The following MYSM1 variants were observed in gnomAD, a reference collection of about 807,000 sequenced individuals.
MYSM1 encodes the protein deubiquitinase MYSM1.
MYSM1 carries 51 observed loss-of-function variants against 116.0 expected under a neutral mutation model. That is an observed-to-expected ratio of 0.44 (90% CI 0.35 to 0.56). The LOEUF (loss-of-function observed/expected upper bound fraction) is 0.56. Ranked by LOEUF, MYSM1 falls within the 20% of genes least tolerant of loss-of-function variation. The pLI, the probability that MYSM1 is intolerant of heterozygous loss-of-function variation, is 0.00. For synonymous variants in MYSM1, 313 were observed against 315.2 expected, an observed-to-expected ratio of 0.99 and a Z score of 0.07; for missense variants, 900 against 974.9, an observed-to-expected ratio of 0.92 and a Z score of 1.02.
At position 58,689,057 on chromosome 1, in the gene MYSM1, T is replaced by G. The variant is rs201929092; in HGVS notation, c.380A>C (p.Glu127Ala). The G allele has an allele frequency of 3.1e-6, 5 of 1,611,632 alleles. No individual in the cohort carries two copies. In the African/African-American group the frequency reaches 6.7e-5, roughly 22 times the overall value. ...YSVKWTIEEK[E>A]LFEQGLAKFG... ...ATTTACCAGCCCTTGTTCAAACAGC[T>G]CTTTTTCTTCTATCGTCCACTTTAC... Residue 127 changes from glutamate (E) to alanine (A), a missense_variant, in exon 6 of 20, where the codon GAG (glutamate) becomes GCG (alanine). This residue lies in a region of MYSM1 where 622 missense variants were observed against 623.7 expected (regional missense o/e 1.00). Coordinates refer to ENST00000472487, the MANE Select transcript of MYSM1 (RefSeq NM_001085487.3).
rs1324652219 is a variant in MYSM1, at chr1:58,689,055, GCT to G, written c.380_381del (p.Glu127AlafsTer3). 1 of 1,611,058 alleles carries G rather than the reference GCT, an allele frequency of 6.2e-7. No homozygotes were observed. Among genetic ancestry groups the G allele is most frequent in the African/African-American group, 1.3e-5 (1 of 74,712 alleles). On this transcript the variant is annotated frameshift_variant, in exon 6 of 20. Coordinates refer to ENST00000472487, the MANE Select transcript of MYSM1 (RefSeq NM_001085487.3). LOFTEE classifies it high-confidence loss of function. ...YSVKWTIEEK[E>X]LFEQGLAKFG... ...CTATTTACCAGCCCTTGTTCAAACA[GCT>G]CTTTTTCTTCTATCGTCCACTTTAC...
chr1:58,673,451 A>G, intron 11 of MYSM1, 122 bp downstream of exon 11: 3 of 801,244 alleles, frequency 3.7e-6, no homozygotes, highest in Non-Finnish European at 6.0e-6. Context: ...ACAAATTAAC[A>G]TGGGAATGAA....
intron 1 of MYSM1, 139 bp downstream of exon 1, chr1:58,699,846 C>T: frequency 5.6e-6 from 8 of 1,440,940 alleles, no homozygotes; most frequent in Non-Finnish European, 7.3e-6. Context: ...CGAGGTGCCT[C>T]CCAGGCCAAC....
chr1:58,684,919 TAC>T (rs1381901408), intron 7 of MYSM1, among the ~76,000 whole-genome samples: 1 of 152,196 alleles, frequency 6.6e-6, no homozygotes, highest in African/African-American at 2.4e-5. Flanking sequence ...TTTGAGCAAT[TAC>T]TATTTTGTCC....
chr1:58,665,563 G>A lies in MYSM1; in HGVS notation c.2100C>T (p.Pro700=). ...MIVSPYNRNN[P]LPYSQITCLV... ...GGCAGGTAATCTGAGAATATGGTAA[G>A]GGATTATTTCGATTATAGGGACTAA... The change falls in exon 17 of 20, where the codon CCC becomes CCT. Residue 700 remains proline, a synonymous_variant. Transcript: ENST00000472487. 1.3e-6 allele frequency: 2 copies of A among 1,599,382 alleles called. No homozygotes were observed. The highest frequency in any genetic ancestry group is 1.7e-6 in the Non-Finnish European group (2 of 1,166,948).
chr1:58,655,281 T>TA lies in MYSM1; in HGVS notation c.*4715dup, dbSNP rs1644304935. On this transcript the variant is annotated 3_prime_UTR_variant, in exon 20 of 20. Coordinates refer to ENST00000472487, the MANE Select transcript of MYSM1 (RefSeq NM_001085487.3). Reference sequence around the variant, plus strand: ...ATGAAAACATATTTAACTGACTTCTTAAGAGACGAGGAAATGTCAAAAATA... The same window carrying TA: ...ATGAAAACATATTTAACTGACTTCTTAAAGAGACGAGGAAATGTCAAAAATA... The TA allele has an allele frequency of 4.6e-5, 7 of 151,570 alleles. 1 individual carries two copies. Among genetic ancestry groups the TA allele is most frequent in the African/African-American group, 1.7e-4 (7 of 41,280 alleles). 9.4% of individuals were successfully genotyped at this position (151,570 alleles called of 1,614,324 possible).
chr1:58,665,564 G>C lies in MYSM1; in HGVS notation c.2099C>G (p.Pro700Arg), dbSNP rs1387018800. The C allele has an allele frequency of 1.2e-5, 19 of 1,595,502 alleles. No homozygotes were observed. Among genetic ancestry groups the C allele is most frequent in the Non-Finnish European group, 1.6e-5 (19 of 1,163,826 alleles). ...MIVSPYNRNN[P>R]LPYSQITCLV... Reference sequence around the variant, plus strand: ...GCAGGTAATCTGAGAATATGGTAAGGGATTATTTCGATTATAGGGACTAAC... The same window carrying C: ...GCAGGTAATCTGAGAATATGGTAAGCGATTATTTCGATTATAGGGACTAAC... The change falls in exon 17 of 20, where the codon CCC becomes CGC. Residue 700 changes from proline to arginine, a missense_variant. By Grantham distance (103) the Pro-to-Arg change is moderately radical (BLOSUM62 -2). Coordinates refer to ENST00000472487, the MANE Select transcript of MYSM1 (RefSeq NM_001085487.3).
At chr1:58,680,771 A>G (rs1386366281) in intron 8 of MYSM1, among the ~76,000 whole-genome samples, 1 of 152,184 alleles carries the variant, frequency 6.6e-6, no homozygotes, top group African/African-American at 2.4e-5. Flanking sequence ...AGATGGCCCT[A>G]TACAATTTGA....
At chr1:58,678,736 T>C (rs1354374219) in intron 8 of MYSM1, among the ~76,000 whole-genome samples, 1 of 152,178 alleles carries the variant, frequency 6.6e-6, no homozygotes, top group African/African-American at 2.4e-5. Flanking sequence ...ATATGTGAGA[T>C]ATTTTAGATA....
rs1409261681 is a variant in MYSM1 at position 58,657,740 on chromosome 1, A to C, written c.*2257T>G. On this transcript the variant is annotated 3_prime_UTR_variant, in exon 20 of 20. Transcript: ENST00000472487. ...ATACTTTACAAGACAAATGTACTCT[A>C]TAGTCAGAAAATACTAAGTATTATT... 6.6e-6 allele frequency: 1 copy of C among 152,176 alleles called. No homozygotes were observed. The highest frequency in any genetic ancestry group is 2.4e-5 in the African/African-American group (1 of 41,444). The allele number at this position is 152,176 out of a possible 1,614,324, so 9.4% of individuals were successfully genotyped here.
In MYSM1 at chr1:58,681,861, G is replaced by C. The variant is rs753619199; in HGVS notation, c.1183C>G (p.Pro395Ala). 6 of 1,613,112 alleles carry C rather than the reference G, an allele frequency of 3.7e-6. No individual in the cohort carries two copies. The Admixed American group carries it at 1.0e-4, about 27-fold the overall frequency. ...IIQEEEKQAIPEFFEGRQAKT... is the reference protein window; with the variant it reads ...IIQEEEKQAIAEFFEGRQAKT... ...GCTTGGCGCCCCTCAAAAAACTCAG[G>C]AATTGCTTGTTTTTCTTCTTCTTGA... is the stretch of plus-strand genomic sequence containing the variant. Residue 395 changes from proline (P) to alanine (A), a missense_variant, in exon 8 of 20, where the codon CCT becomes GCT. Physicochemically the swap from Pro to Ala is conservative, Grantham distance 27. Around this residue, in one of 3 missense-constraint regions of MYSM1, gnomAD observed 622 missense variants for 623.7 expected, o/e 1.00. Transcript: ENST00000472487.
rs968622293 is a variant in MYSM1 at position 58,657,616 on chromosome 1, T to C, written c.*2381A>G. 3.2e-4 allele frequency: 49 copies of C among 152,170 alleles called. No individual in the cohort carries two copies. Among genetic ancestry groups the C allele is most frequent in the Admixed American group, 3.1e-3 (48 of 15,246 alleles). 9.4% of individuals were successfully genotyped at this position (152,170 alleles called of 1,614,324 possible). On this transcript the variant is annotated 3_prime_UTR_variant, in exon 20 of 20. Coordinates refer to ENST00000472487, the MANE Select transcript of MYSM1 (RefSeq NM_001085487.3). ...AACCAAGTTTAACATACTAAAATTA[T>C]ACTGTCAAAAAAATGGGGAAGGATT...
rs1241194358 is a variant in MYSM1 at position 58,667,183 on chromosome 1, TG to T, written c.1885del (p.Gln629SerfsTer62). On this transcript the variant is annotated frameshift_variant, in exon 16 of 20. Transcript: ENST00000472487. LOFTEE classifies it high-confidence loss of function. ...TTGTGATACAGGATCCATCTCACAC[TG>T]TAGTCCTGTACTCAGACTGTTACAT... ...EPCNSLSTGLQCEMDPVSQTQ... is the reference protein window; with the variant it reads ...EPCNSLSTGLXCEMDPVSQTQ... 6.2e-7 allele frequency: 1 copy of T among 1,610,140 alleles called. No homozygotes were observed. The highest frequency in any genetic ancestry group is 2.2e-5 in the East Asian group (1 of 44,726).
chr1:58,697,775 G>T (rs1644997888), intron 1 of MYSM1, among the ~76,000 whole-genome samples: 1 of 151,362 alleles, frequency 6.6e-6, no homozygotes, highest in East Asian at 2.0e-4. Flanking sequence ...TTTTAGTAGA[G>T]ACGGGGTTTC....
intron 1 of MYSM1, among the ~76,000 whole-genome samples, chr1:58,699,018 T>C (rs975966633): frequency 1.3e-5 from 2 of 152,216 alleles, no homozygotes; most frequent in Admixed American, 1.3e-4. Flanking sequence ...GGCAATTTCA[T>C]ATGGTTCAAG....
intron 7 of MYSM1, among the ~76,000 whole-genome samples, chr1:58,683,520 C>A (rs891987033): frequency 1.3e-4 from 20 of 152,050 alleles, no homozygotes; most frequent in Admixed American, 3.9e-4. Flanking sequence ...ATCTCCCATA[C>A]CTGCTACTAC....
Position 58,665,347 on chromosome 1 carries a change from C to T in MYSM1, c.2164+152G>A, listed in dbSNP as rs1320789222. 1.2e-5 allele frequency: 7 copies of T among 579,620 alleles called. No individual in the cohort carries two copies. In the East Asian group the frequency reaches 2.2e-4, roughly 18 times the overall value. 35.9% of individuals were successfully genotyped at this position (579,620 alleles called of 1,614,324 possible). ...GAGATTAAGAAACGGAAGAGGGTGG[C>T]TGCACTAGGGTGGCACCCAAATAAT... On this transcript the variant is annotated intron_variant, in intron 17 of 19. Coordinates refer to ENST00000472487, the MANE Select transcript of MYSM1 (RefSeq NM_001085487.3).
At chr1:58,669,204 T>C (rs912461002) in intron 12 of MYSM1, among the ~76,000 whole-genome samples, 166 bp from the exon 13 acceptor site, 5 of 146,840 alleles carry the variant, frequency 3.4e-5, no homozygotes, top group Admixed American at 3.4e-4. Flanking sequence ...ACTGTTCTTT[T>C]AGATTTAACA....
At chr1:58,668,183 A>G (rs1294476657) in intron 14 of MYSM1, among the ~76,000 whole-genome samples, 1 of 152,234 alleles carries the variant, frequency 6.6e-6, no homozygotes, top group Non-Finnish European at 1.5e-5. Flanking sequence ...AAATGAAGAT[A>G]CCATTTACTC....
Sources: gnomAD v4.1 joint callset for allele counts (sites outside exome capture counted in the v4.1 genomes callset) on GRCh38, gnomAD v4.1.1 for gene constraint, gnomAD v4.1.1 regional missense constraint, MANE v1.5 for transcripts, NCBI Gene and HGNC (gene_info 2026-07-23, HGNC 2026-07-21) for gene names.